PTPRD: variants seen among roughly 807,000 people sequenced by gnomAD.
PTPRD encodes protein tyrosine phosphatase receptor type D, also known as receptor-type tyrosine-protein phosphatase delta.
PTPRD carries 34 observed loss-of-function variants against 214.5 expected under a neutral mutation model. The observed-to-expected ratio is 0.16, with a 90% CI of 0.12 to 0.21. The LOEUF is 0.21. Ranked by LOEUF, PTPRD falls within the 10% of genes least tolerant of loss-of-function variation. The probability of loss-of-function intolerance (pLI) is 1.00; values close to 1 mark genes in which losing one functional copy is unlikely to be tolerated. For synonymous variants in PTPRD, 1,128 were observed against 845.7 expected (o/e 1.33, Z -5.79); for missense variants, 2,545 against 2,398.7 (o/e 1.06, Z -1.27).
chr9:9,245,226 T>C (rs1028713030), intron 9 of PTPRD, among the ~76,000 whole-genome samples: 2 of 152,192 alleles, frequency 1.3e-5, no homozygotes, highest in South Asian at 2.1e-4. Flanking sequence ...GAAAACAGTA[T>C]GGCGATTCCT....
At chr9:10,113,744 T>C (rs1377459201) in intron 3 of PTPRD, among the ~76,000 whole-genome samples, 1 of 152,190 alleles carries the variant, frequency 6.6e-6, no homozygotes, top group Non-Finnish European at 1.5e-5. Context: ...GCCACTTTAA[T>C]GTGGACAAAG....
At chr9:10,127,829 T>C (rs1675264019) in intron 3 of PTPRD, among the ~76,000 whole-genome samples, 1 of 152,142 alleles carries the variant, frequency 6.6e-6, no homozygotes, top group African/African-American at 2.4e-5. Context: ...AGATCAGTCT[T>C]CCGAAGTGGA....
rs76623157 is a variant in PTPRD, at chr9:9,124,963, A to G, written c.-143+58341T>C. 7.6e-3 allele frequency among the ~76,000 whole-genome samples: 1,156 copies of G among 152,338 alleles called. 15 individuals carry two copies. Among genetic ancestry groups the G allele is most frequent in the African/African-American group, 0.026 (1,090 of 41,584 alleles). On this transcript the variant is annotated intron_variant, in intron 10 of 45. Coordinates refer to ENST00000381196, the MANE Select transcript of PTPRD (RefSeq NM_002839.4). The stretch of plus-strand genomic sequence containing the variant: ...ACTCGTTATAACAAGAGACTGCTGT[A>G]TTGAGCAACTGGTTCCTCTCCCTAC...
chr9:10,575,918 T>C (rs2069137937), intron 2 of PTPRD, among the ~76,000 whole-genome samples: 1 of 152,140 alleles, frequency 6.6e-6, no homozygotes, highest in Non-Finnish European at 1.5e-5. Context: ...CTCATTGATT[T>C]TGACTGGGGA....
At chr9:10,176,602 G>C (rs769314049) in intron 3 of PTPRD, among the ~76,000 whole-genome samples, 50 of 151,910 alleles carry the variant, frequency 3.3e-4, no homozygotes, top group Non-Finnish European at 1.0e-4. Flanking sequence ...TTGAACAAAG[G>C]TTCTTTTCAA....
At chr9:9,106,838 A>G (rs1385723434) in intron 10 of PTPRD, among the ~76,000 whole-genome samples, 1 of 152,008 alleles carries the variant, frequency 6.6e-6, no homozygotes, top group African/African-American at 2.4e-5. Flanking sequence ...GTTTTGTTCT[A>G]TCTCTTATTA....
chr9:9,846,455 A>T (rs1199744610), intron 5 of PTPRD, among the ~76,000 whole-genome samples: 1 of 152,194 alleles, frequency 6.6e-6, no homozygotes, highest in Non-Finnish European at 1.5e-5. Context: ...TAAAACTACT[A>T]TAAATAATTG....
intron 35 of PTPRD, among the ~76,000 whole-genome samples, chr9:8,411,171 G>C (rs2093481282): frequency 6.6e-6 from 1 of 151,964 alleles, no homozygotes. Context: ...TTTAGTGTGT[G>C]ACTGTAGAAA....
chr9:8,713,285 G>A (rs765702461), intron 12 of PTPRD: 1 of 689,364 alleles, frequency 1.5e-6, no homozygotes, highest in Non-Finnish European at 2.6e-6. Context: ...GCTTTTGCGG[G>A]TGGCGGCGAG....
chr9:9,384,735 A>G (rs1268374333), intron 9 of PTPRD, among the ~76,000 whole-genome samples: 1 of 151,876 alleles, frequency 6.6e-6, no homozygotes, highest in East Asian at 1.9e-4. Flanking sequence ...TATTATACAG[A>G]CTTTCTATTA....
At chr9:9,748,269 G>A (rs1311617116) in intron 6 of PTPRD, among the ~76,000 whole-genome samples, 1 of 151,974 alleles carries the variant, frequency 6.6e-6, no homozygotes, top group Non-Finnish European at 1.5e-5. Flanking sequence ...TTTAAACAGT[G>A]GGATCCTACA....
At chr9:9,230,796 G>A (rs1389316851) in intron 9 of PTPRD, among the ~76,000 whole-genome samples, 1 of 152,068 alleles carries the variant, frequency 6.6e-6, no homozygotes, top group African/African-American at 2.4e-5. Context: ...GGATAAATCT[G>A]TATCTTTTCT....
intron 14 of PTPRD, among the ~76,000 whole-genome samples, chr9:8,614,998 G>C (rs1454498165): frequency 1.3e-5 from 2 of 152,088 alleles, no homozygotes. Flanking sequence ...TGTTTGGCCT[G>C]CTAATTCTTT....
intron 4 of PTPRD, among the ~76,000 whole-genome samples, chr9:9,947,148 T>C (rs1386691771): frequency 2.0e-5 from 3 of 148,378 alleles, no homozygotes; most frequent in African/African-American, 5.0e-5. Context: ...TTCCTATATG[T>C]ACAAGAGGCA....
chr9:10,553,508 A>T (rs1220985973), intron 2 of PTPRD, among the ~76,000 whole-genome samples: 1 of 152,164 alleles, frequency 6.6e-6, no homozygotes, highest in East Asian at 1.9e-4. Flanking sequence ...ATTTTTCCAA[A>T]ATATGCAAGT....
intron 5 of PTPRD, among the ~76,000 whole-genome samples, chr9:9,880,795 G>C (rs924761492): frequency 2.0e-5 from 3 of 152,110 alleles, no homozygotes; most frequent in Admixed American, 1.3e-4. Flanking sequence ...CTATTGATCT[G>C]TTAGCCTCAG....
At chr9:8,462,322 T>C (rs1054488745) in intron 32 of PTPRD, among the ~76,000 whole-genome samples, 1 of 151,974 alleles carries the variant, frequency 6.6e-6, no homozygotes. Flanking sequence ...TCTGCTCTTC[T>C]TCTAGTCTCA....
At position 8,331,676 on chromosome 9, in the gene PTPRD, G is replaced by A. The variant is rs773870035; in HGVS notation, c.5440C>T (p.Pro1814Ser). The A allele has an allele frequency of 6.2e-7, 1 of 1,613,560 alleles. No individual in the cohort carries two copies. The highest frequency in any genetic ancestry group is 8.5e-7 in the Non-Finnish European group (1 of 1,179,884). ...QFTDWPEQGV[P>S]KSGEGFIDFI... ...TCAATAAATCCTTCTCCGGACTTTGGCACTCCTTGCTCTGGCCAGTCAGTG... is the reference window on the plus strand; with the variant it reads ...TCAATAAATCCTTCTCCGGACTTTGACACTCCTTGCTCTGGCCAGTCAGTG... The change falls in exon 44 of 46, where the codon CCA becomes TCA. Residue 1814 changes from proline to serine, a missense_variant. Physicochemically the swap from Pro to Ser is moderately conservative, Grantham distance 74. Transcript: ENST00000381196.
At position 9,328,618 on chromosome 9, in the gene PTPRD, C is replaced by CTTTTTTT. The variant is rs869076374; in HGVS notation, c.-203+68824_-203+68830dup. Among the ~76,000 whole-genome samples the CTTTTTTT allele has an allele frequency of 7.1e-4, 20 of 28,230 alleles. 5 individuals are homozygous for CTTTTTTT. Among genetic ancestry groups the CTTTTTTT allele is most frequent in the Non-Finnish European group, 1.0e-3 (16 of 15,454 alleles). The allele number at this position is 28,230 out of a possible 152,430, so 18.5% of individuals were successfully genotyped here. A position where few individuals can be genotyped will look rare whatever the true frequency, so the allele number is the denominator to read the frequency against. On this transcript the variant is annotated intron_variant, in intron 9 of 45. Transcript: ENST00000381196. ...ACATTTTCTTTTGTTGTTGTTCTTG[C>CTTTTTTT]TTTTTTTTTTTTTTTTTTTTTTTTT...
Sources: gnomAD v4.1 joint callset for allele counts (sites outside exome capture counted in the v4.1 genomes callset) on GRCh38, gnomAD v4.1.1 for gene constraint, MANE v1.5 for transcripts, NCBI Gene and HGNC (gene_info 2026-07-23, HGNC 2026-07-21) for gene names.